LINC00632: variants seen among roughly 807,000 people sequenced by gnomAD.
LINC00632 encodes long independently transcribed non-coding RNA 632, also known as ALDOA related specific transcript.
intron 2 of LINC00632, among the ~76,000 whole-genome samples, chrX:140,712,859 A>G (rs1306863200): frequency 1.9e-5 from 2 of 104,624 alleles, no homozygotes; most frequent in African/African-American, 7.1e-5. Context: ...CTGGGGGGGA[A>G]AAAAAAGGGC....
chrX:140,727,803 C>T (rs1231332031), intron 2 of LINC00632, among the ~76,000 whole-genome samples: 2 of 111,699 alleles, frequency 1.8e-5, no homozygotes, highest in Non-Finnish European at 3.8e-5. Context: ...GCCCTATAAC[C>T]CACAGATAAG....
intron 3 of LINC00632, among the ~76,000 whole-genome samples, chrX:140,738,264 G>C (rs918193816): frequency 8.9e-6 from 1 of 112,135 alleles, no homozygotes; most frequent in African/African-American, 3.2e-5. Flanking sequence ...TTGAGCACCT[G>C]AAAGTGGATT....
chrX:140,768,809 G>A (rs1331305544), intron 3 of LINC00632, among the ~76,000 whole-genome samples: 1 of 99,775 alleles, frequency 1.0e-5, no homozygotes, highest in Non-Finnish European at 2.0e-5. Context: ...TAGTGTATAA[G>A]TATATATATT....
chrX:140,785,727 A>C (rs1022614113), exon 5 of LINC00632, among the ~76,000 whole-genome samples: 1 of 111,959 alleles, frequency 8.9e-6, no homozygotes, highest in Non-Finnish European at 1.9e-5. Flanking sequence ...GGAAGCACTG[A>C]GTTCAATTAC....
chrX:140,786,266 G>C (rs891690905), exon 5 of LINC00632, among the ~76,000 whole-genome samples: 1 of 111,742 alleles, frequency 8.9e-6, no homozygotes, highest in African/African-American at 3.2e-5. Context: ...AATATTTATT[G>C]AGCGCTAACT....
exon 5 of LINC00632, among the ~76,000 whole-genome samples, chrX:140,782,253 T>C (rs1201625144): frequency 8.9e-6 from 1 of 112,189 alleles, no homozygotes; most frequent in East Asian, 2.8e-4. Flanking sequence ...TCTTTCAGCA[T>C]GACTTTCCAA....
At chrX:140,778,618 GAA>G (rs57214136) in exon 5 of LINC00632, among the ~76,000 whole-genome samples, 864 of 40,285 alleles carry the variant, frequency 0.021, 6 homozygotes, top group African/African-American at 0.055. Context: ...AACAAACAAA[GAA>G]AAAAAAAAAA....
intron 2 of LINC00632, among the ~76,000 whole-genome samples, chrX:140,733,009 C>G (rs757081544): frequency 8.9e-6 from 1 of 111,888 alleles, no homozygotes; most frequent in African/African-American, 3.3e-5. Context: ...GTGATCCACC[C>G]GTCTTGGTCT....
chrX:140,740,304 T>C, intron 3 of LINC00632, among the ~76,000 whole-genome samples: 1 of 111,999 alleles, frequency 8.9e-6, no homozygotes, highest in East Asian at 2.8e-4. Flanking sequence ...ACATAATCAG[T>C]ATACCTTTTC....
In LINC00632 at chrX:140,760,063, T is replaced by C. The variant is rs139594768; in HGVS notation, n.192-12015T>C. Among the ~76,000 whole-genome samples, 786 of 112,052 alleles carry C rather than the reference T, an allele frequency of 7.0e-3. 3 individuals carry two copies. The highest frequency in any genetic ancestry group is 0.019 in the Middle Eastern group (4 of 212). ...ATTTGATCTCAAGGAGTTTATCCTCTAGGGAAGGCAGATACTCAGACTAGT... is the reference window on the plus strand; with the variant it reads ...ATTTGATCTCAAGGAGTTTATCCTCCAGGGAAGGCAGATACTCAGACTAGT... On this transcript the variant is annotated intron_variant and non_coding_transcript_variant, in intron 3 of 4. Coordinates refer to ENST00000648200, the Ensembl canonical transcript of LINC00632.
At chrX:140,776,271 C>T (rs1301676205) in exon 5 of LINC00632, among the ~76,000 whole-genome samples, 1 of 86,782 alleles carries the variant, frequency 1.2e-5, no homozygotes, top group Non-Finnish European at 2.6e-5. Flanking sequence ...GGAAAATTGG[C>T]CTCGGCCAGA....
intron 2 of LINC00632, among the ~76,000 whole-genome samples, chrX:140,723,284 A>C (rs1930765963): frequency 2.5e-5 from 1 of 39,586 alleles, no homozygotes; most frequent in East Asian, 8.6e-4. Flanking sequence ...CACACATTCC[A>C]TACACGTGCA....
intron 3 of LINC00632, among the ~76,000 whole-genome samples, chrX:140,751,986 C>A (rs1931416642): frequency 9.0e-6 from 1 of 111,451 alleles, no homozygotes; most frequent in Admixed American, 9.6e-5. Context: ...ATATCCCTCT[C>A]CCTTGATCCC....
chrX:140,769,486 C>A (rs182956425), intron 3 of LINC00632, among the ~76,000 whole-genome samples: 1 of 109,535 alleles, frequency 9.1e-6, no homozygotes, highest in Non-Finnish European at 1.9e-5. Context: ...CCACCCCCCC[C>A]ATGAAAGCAA....
chrX:140,730,262 C>A (rs2148384870), intron 2 of LINC00632, among the ~76,000 whole-genome samples: 1 of 110,277 alleles, frequency 9.1e-6, no homozygotes. Flanking sequence ...CAAGAAACTC[C>A]CTCACAGGAC....
chrX:140,776,434 G>A (rs1389371858), exon 5 of LINC00632, among the ~76,000 whole-genome samples: 1 of 112,921 alleles, frequency 8.9e-6, no homozygotes, highest in African/African-American at 3.2e-5. Context: ...CTCCACACAA[G>A]GGTTTGTCTG....
At chrX:140,725,245 A>ACACACATTCCGTACACACACACAGT (rs1399665546) in intron 2 of LINC00632, among the ~76,000 whole-genome samples, 1 of 108,307 alleles carries the variant, frequency 9.2e-6, no homozygotes, top group Non-Finnish European at 1.9e-5. Context: ...CCATACACAC[A>ACACACATTCCGTACACACACACAGT]CACACATTCC....
intron 3 of LINC00632, among the ~76,000 whole-genome samples, chrX:140,770,353 C>T (rs932878900): frequency 2.7e-5 from 3 of 111,807 alleles, no homozygotes; most frequent in Non-Finnish European, 3.8e-5. Context: ...TGGTCGTCCT[C>T]ACTGCTCATT....
chrX:140,768,652 A>AT (rs1190579938), intron 3 of LINC00632, among the ~76,000 whole-genome samples: 1 of 95,646 alleles, frequency 1.0e-5, no homozygotes, highest in African/African-American at 3.9e-5. Context: ...TATATTTATT[A>AT]TATATAATAA....
Sources: gnomAD v4.1 joint callset for allele counts (sites outside exome capture counted in the v4.1 genomes callset) on GRCh38, gnomAD v4.1.1 for gene constraint, MANE v1.5 for transcripts, NCBI Gene and HGNC (gene_info 2026-07-23, HGNC 2026-07-21) for gene names.